Variants in RGS3 observed in about 807,000 individuals in gnomAD.
RGS3 encodes the protein regulator of G-protein signalling 3.
Under a neutral mutation model 132.6 loss-of-function variants are expected in RGS3, and 80 were observed. That is an observed-to-expected ratio of 0.60 (90% CI 0.50 to 0.73). The LOEUF (loss-of-function observed/expected upper bound fraction) is 0.73, where lower values mean the gene tolerates loss of function less well. Among genes scored for constraint, RGS3 ranks in the 30% least tolerant of loss-of-function variants. The probability of loss-of-function intolerance (pLI) is 0.00; values close to 1 mark genes in which losing one functional copy is unlikely to be tolerated. For synonymous variants in RGS3, 598 were observed against 620.6 expected (o/e 0.96, Z 0.54); for missense variants, 1,382 against 1,530.8 (o/e 0.90, Z 1.62).
intron 1 of RGS3, among the ~76,000 whole-genome samples, chr9:113,448,334 T>C (rs749580421): frequency 1.3e-5 from 2 of 152,168 alleles, no homozygotes; most frequent in Admixed American, 6.5e-5. Flanking sequence ...CCCAGCCCCA[T>C]TGCCACTCAC....
chr9:113,498,509 A>G (rs1830759459), intron 10 of RGS3, among the ~76,000 whole-genome samples: 2 of 152,214 alleles, frequency 1.3e-5, no homozygotes, highest in Admixed American at 1.3e-4. Context: ...TAGGGCTTCA[A>G]GTCTGGAAAG....
intron 7 of RGS3, among the ~76,000 whole-genome samples, chr9:113,495,485 C>A (rs1392292112): frequency 6.6e-6 from 1 of 152,150 alleles, no homozygotes; most frequent in Non-Finnish European, 1.5e-5. Context: ...TACCTAGCAC[C>A]AGAACGGTTA....
intron 14 of RGS3, among the ~76,000 whole-genome samples, chr9:113,512,370 G>GGCTCAT (rs1465078454): frequency 1.3e-5 from 2 of 152,060 alleles, no homozygotes; most frequent in Non-Finnish European, 2.9e-5. Context: ...GCCCATCCAG[G>GGCTCAT]GCTCATGCTC....
chr9:113,569,564 C>T (rs762407214), intron 19 of RGS3, among the ~76,000 whole-genome samples: 5 of 133,880 alleles, frequency 3.7e-5, no homozygotes, highest in Admixed American at 1.5e-4. Flanking sequence ...GTCTCCCTTC[C>T]GTGTCTTTCC....
exon 6 of RGS3, chr9:113,484,216 C>T (rs762204067): frequency 5.6e-6 from 9 of 1,606,782 alleles, no homozygotes; most frequent in Non-Finnish European, 6.8e-6. Flanking sequence ...CCCGGCTTTC[C>T]ACGAGCACTT....
intron 19 of RGS3, among the ~76,000 whole-genome samples, chr9:113,563,134 C>T (rs1000239287): frequency 6.6e-6 from 1 of 152,222 alleles, no homozygotes; most frequent in African/African-American, 2.4e-5. Flanking sequence ...TGCTATGGTC[C>T]AGAGCATTGA....
At chr9:113,592,514 CAG>C (rs1210600548) in intron 21 of RGS3, 3 of 151,844 alleles carry the variant, frequency 2.0e-5, no homozygotes, top group African/African-American at 7.2e-5. Context: ...TTTTTGGAGA[CAG>C]AGTCTCCTTC....
chr9:113,584,461 A>C, intron 20 of RGS3, 34 bp downstream of exon 18: 1 of 1,496,156 alleles, frequency 6.7e-7, no homozygotes, highest in Non-Finnish European at 8.8e-7. Flanking sequence ...AGAAGGATAC[A>C]TGCAATGTGG....
At chr9:113,580,086 G>A (rs1248143624) in intron 19 of RGS3, among the ~76,000 whole-genome samples, 4 of 152,216 alleles carry the variant, frequency 2.6e-5, no homozygotes, top group African/African-American at 9.7e-5. Context: ...CCCAAGAACA[G>A]GGGCCTTACC....
At chr9:113,596,825 C>A (rs534223749) in exon 25 of RGS3, 1 of 1,613,676 alleles carries the variant, frequency 6.2e-7, no homozygotes, top group Non-Finnish European at 8.5e-7. Context: ...GAGCGTCACG[C>A]GGGGCTGCTT....
intron 10 of RGS3, among the ~76,000 whole-genome samples, chr9:113,499,262 C>CCAGCAATT (rs1318417682): frequency 6.6e-6 from 1 of 151,692 alleles, no homozygotes; most frequent in African/African-American, 2.4e-5. Context: ...AAACAAACTC[C>CCAGCAATT]CAGCAATTCA....
intron 24 of RGS3, 101 bp from the exon 23 acceptor site, chr9:113,596,667 G>A (rs1296934191): frequency 6.2e-6 from 6 of 969,470 alleles, no homozygotes; most frequent in Middle Eastern, 3.4e-4. Context: ...GGGGCAAAGG[G>A]GCTTGGAGGT....
chr9:113,460,509 A>G (rs1302765259), intron 1 of RGS3, among the ~76,000 whole-genome samples: 1 of 151,854 alleles, frequency 6.6e-6, no homozygotes, highest in East Asian at 1.9e-4. Flanking sequence ...TGACAGAGTG[A>G]GACTCCGTCT....
intron 14 of RGS3, among the ~76,000 whole-genome samples, chr9:113,511,343 G>A (rs993756778): frequency 1.7e-4 from 26 of 152,028 alleles, no homozygotes; most frequent in Non-Finnish European, 2.9e-5. Context: ...TAGCAGGTGG[G>A]AAGTAAATGA....
intron 15 of RGS3, among the ~76,000 whole-genome samples, chr9:113,514,981 T>A (rs1311720337): frequency 1.3e-5 from 2 of 152,078 alleles, no homozygotes; most frequent in African/African-American, 4.8e-5. Flanking sequence ...TTGCCAAAGC[T>A]CCCGCTCCCT....
upstream of RGS3, among the ~76,000 whole-genome samples, chr9:113,456,025 A>G (rs1055867403): frequency 2.0e-5 from 3 of 152,160 alleles, no homozygotes; most frequent in African/African-American, 7.2e-5. Flanking sequence ...TGCTAAATCT[A>G]ATGGACACTT....
intron 10 of RGS3, among the ~76,000 whole-genome samples, chr9:113,504,629 G>C (rs1831051938): frequency 1.3e-5 from 2 of 152,236 alleles, no homozygotes; most frequent in Admixed American, 1.3e-4. Context: ...GGGAACCAGA[G>C]ACCAAGGCTG....
intron 19 of RGS3, among the ~76,000 whole-genome samples, chr9:113,570,653 ACTT>A (rs893035713): frequency 6.6e-6 from 1 of 150,766 alleles, no homozygotes; most frequent in Non-Finnish European, 1.5e-5. Context: ...CCCCGTCCTG[ACTT>A]CTTTTTTTTT....
chr9:113,492,980 A>G (rs1260987165), intron 7 of RGS3, among the ~76,000 whole-genome samples: 2 of 152,226 alleles, frequency 1.3e-5, no homozygotes, highest in Non-Finnish European at 2.9e-5. Context: ...GAGGTTGCTG[A>G]GCTAATGCAT....
Sources: allele counts gnomAD v4.1 joint callset (sites outside exome capture counted in the v4.1 genomes callset), GRCh38; gene constraint gnomAD v4.1.1; transcripts MANE v1.5; gene names NCBI Gene and HGNC (gene_info 2026-07-23, HGNC 2026-07-21).